The following RPH3A variants were observed in gnomAD, a reference collection of about 807,000 sequenced individuals.
RPH3A encodes the protein rabphilin 3A.
RPH3A carries 48 observed loss-of-function variants against 102.2 expected under a neutral mutation model. The observed-to-expected ratio is 0.47, with a 90% CI of 0.37 to 0.60. RPH3A has a LOEUF of 0.60. Ranked by LOEUF, RPH3A falls within the 20% of genes least tolerant of loss-of-function variation. The pLI is 0.00. For missense variants in RPH3A, 781 were observed against 910.1 expected (o/e 0.86, Z 1.83); for synonymous variants, 310 against 324.3 (o/e 0.96, Z 0.47).
chr12:112,835,923 T>C (rs1041506892), intron 3 of RPH3A, among the ~76,000 whole-genome samples: 4 of 152,236 alleles, frequency 2.6e-5, no homozygotes, highest in Non-Finnish European at 5.9e-5. Flanking sequence ...CAGTTGATAC[T>C]TCTATCTAGC....
chr12:112,590,019 G>A (rs895250227), intron 1 of RPH3A, among the ~76,000 whole-genome samples: 4 of 151,084 alleles, frequency 2.6e-5, no homozygotes, highest in Non-Finnish European at 5.9e-5. Context: ...GGATGGGGAG[G>A]TTGCAGTGAG....
At chr12:112,644,499 C>G (rs2039912749) in intron 1 of RPH3A, among the ~76,000 whole-genome samples, 1 of 152,134 alleles carries the variant, frequency 6.6e-6, no homozygotes. Context: ...ATCTGCCCTG[C>G]AAATGAGCCA....
chr12:112,874,354 A>G (rs2042758541), intron 10 of RPH3A, among the ~76,000 whole-genome samples: 1 of 152,260 alleles, frequency 6.6e-6, no homozygotes, highest in South Asian at 2.1e-4. Flanking sequence ...AGATGAGCTC[A>G]GTAACTTCTC....
chr12:112,711,068 G>A (rs2040457671), intron 1 of RPH3A, among the ~76,000 whole-genome samples: 1 of 152,156 alleles, frequency 6.6e-6, no homozygotes, highest in Non-Finnish European at 1.5e-5. Flanking sequence ...CAGCGTTTGG[G>A]AGAATTCAGA....
At chr12:112,772,556 CTT>C (rs2040934177) in intron 1 of RPH3A, among the ~76,000 whole-genome samples, 2 of 152,144 alleles carry the variant, frequency 1.3e-5, no homozygotes, top group African/African-American at 2.4e-5. Flanking sequence ...CTCTAAATGA[CTT>C]TTGTACCAAT....
intron 2 of RPH3A, among the ~76,000 whole-genome samples, chr12:112,827,623 C>A (rs547850656): frequency 1.3e-5 from 2 of 152,098 alleles, no homozygotes; most frequent in South Asian, 4.2e-4. Flanking sequence ...TAGGCAGATC[C>A]TAAATCTATT....
Position 112,725,766 on chromosome 12 carries a change from T to TTTGTTGTTGTTG in RPH3A, c.-139-66344_-139-66333dup, listed in dbSNP as rs374402903. Among the ~76,000 whole-genome samples, 233 of 148,596 alleles carry TTTGTTGTTGTTG rather than the reference T, an allele frequency of 1.6e-3. 1 individual carries two copies. Among genetic ancestry groups the TTTGTTGTTGTTG allele is most frequent in the East Asian group, 3.8e-3 (19 of 5,010 alleles). ...ATATTTAGGGAAGATGAGTGTAGTT[T>TTTGTTGTTGTTG]TTGTTGTTGTTGTTGTTGTTGTTGT... On this transcript the variant is annotated intron_variant, in intron 1 of 21. Transcript: ENST00000543106.
intron 1 of RPH3A, chr12:112,695,014 T>C (rs2040339600): frequency 1.2e-5 from 2 of 170,422 alleles, no homozygotes; most frequent in African/African-American, 4.8e-5. Context: ...AGGAAATCTA[T>C]ACAGAGTTTT....
At chr12:112,647,697 G>T (rs1689092966) in intron 1 of RPH3A, among the ~76,000 whole-genome samples, 1 of 152,080 alleles carries the variant, frequency 6.6e-6, no homozygotes, top group South Asian at 2.1e-4. Context: ...TGGAGAAAGT[G>T]AGCCATGTGG....
At chr12:112,778,932 AG>A (rs1228355217) in intron 1 of RPH3A, among the ~76,000 whole-genome samples, 1 of 152,196 alleles carries the variant, frequency 6.6e-6, no homozygotes, top group African/African-American at 2.4e-5. Context: ...GAGTATAGGG[AG>A]GCATCAGCTC....
At chr12:112,590,740 C>T (rs2039470844) in intron 1 of RPH3A, among the ~76,000 whole-genome samples, 1 of 152,098 alleles carries the variant, frequency 6.6e-6, no homozygotes, top group Non-Finnish European at 1.5e-5. Flanking sequence ...TCCAGATTTC[C>T]ACTTCTCTTA....
intron 16 of RPH3A, 51 bp from the exon 17 acceptor site, chr12:112,887,746 G>A (rs1175584547): frequency 6.3e-7 from 1 of 1,593,966 alleles, no homozygotes; most frequent in Non-Finnish European, 8.6e-7. Flanking sequence ...ACACAGTGGT[G>A]TCTTAATATT....
chr12:112,872,133 G>A (rs2042719862), intron 10 of RPH3A, among the ~76,000 whole-genome samples: 1 of 152,070 alleles, frequency 6.6e-6, no homozygotes. Flanking sequence ...TTTCCATGGT[G>A]GCTGAGACAT....
chr12:112,668,140 C>T (rs1207594788), intron 1 of RPH3A, among the ~76,000 whole-genome samples: 28 of 152,180 alleles, frequency 1.8e-4, no homozygotes, highest in Non-Finnish European at 1.5e-5. Flanking sequence ...TCTATCTCTT[C>T]ATGGCCAAGC....
chr12:112,709,039 A>G (rs1250318027), intron 1 of RPH3A, among the ~76,000 whole-genome samples: 1 of 152,182 alleles, frequency 6.6e-6, no homozygotes, highest in African/African-American at 2.4e-5. Flanking sequence ...TTTTATGGCA[A>G]TACAACCACC....
chr12:112,856,244 C>G (rs994941325), intron 5 of RPH3A, among the ~76,000 whole-genome samples: 1 of 152,188 alleles, frequency 6.6e-6, no homozygotes, highest in Non-Finnish European at 1.5e-5. Flanking sequence ...CGACACGCAT[C>G]AAGATGTTGC....
At position 112,865,585 on chromosome 12, in the gene RPH3A, G is replaced by GGAGCCTGTGGCAGAA; in HGVS notation, c.360+42_360+43insGAGCCTGTGGCAGAA. The GGAGCCTGTGGCAGAA allele has an allele frequency of 2.5e-6, 4 of 1,600,476 alleles. No individual in the cohort carries two copies. The African/African-American group carries it at 4.0e-5, about 16-fold the overall frequency. ...CTCCCTTCTTCCCTGTGCAGCACCT[G>GGAGCCTGTGGCAGAA]CAGAGGGGAAAGTCCTAGGCTCCAG... On this transcript the variant is annotated intron_variant, in intron 6 of 21. Coordinates refer to ENST00000389385, the MANE Select transcript of RPH3A (RefSeq NM_001143854.2).
intron 1 of RPH3A, among the ~76,000 whole-genome samples, chr12:112,611,517 C>A (rs528548517): frequency 2.6e-5 from 4 of 152,134 alleles, no homozygotes; most frequent in Non-Finnish European, 5.9e-5. Context: ...CGGCCCACTG[C>A]AACCTCCGCC....
Position 112,770,565 on chromosome 12 carries a change from A to T in RPH3A, c.-139-21578A>T, listed in dbSNP as rs78693492. ...TGCCTTGTTGCCCAGGTTAGACTCG[A>T]ACTCCCGAGCTCATGTGATCCACCT... On this transcript the variant is annotated intron_variant, in intron 1 of 21. Coordinates refer to the RPH3A transcript ENST00000543106. Among the ~76,000 whole-genome samples, 28 of 152,174 alleles carry T rather than the reference A, an allele frequency of 1.8e-4. No individual in the cohort carries two copies. The East Asian group carries it at 5.0e-3, about 27-fold the overall frequency.
Sources: gnomAD v4.1 joint callset for allele counts (sites outside exome capture counted in the v4.1 genomes callset) on GRCh38, gnomAD v4.1.1 for gene constraint, MANE v1.5 for transcripts, NCBI Gene and HGNC (gene_info 2026-07-23, HGNC 2026-07-21) for gene names.